Variants in EDARADD observed in about 807,000 individuals in gnomAD.
The protein encoded by EDARADD is ectodysplasin-A receptor-associated adapter protein.
In EDARADD, 20 loss-of-function variants were observed where a neutral mutation model predicts 25.6. The observed-to-expected ratio is 0.78, with a 90% confidence interval of 0.55 to 1.14. The LOEUF (loss-of-function observed/expected upper bound fraction) is 1.14, where lower values mean the gene tolerates loss of function less well. Among genes scored for constraint, EDARADD ranks in the 50% most tolerant of loss-of-function variants. The probability of loss-of-function intolerance (pLI) is 0.00; values close to 1 mark genes in which losing one functional copy is unlikely to be tolerated. For synonymous variants in EDARADD, 86 were observed against 94.4 expected, an observed-to-expected ratio of 0.91 and a Z score of 0.52; for missense variants, 225 against 270.1, an observed-to-expected ratio of 0.83 and a Z score of 1.17.
At chr1:236,431,114 TAAAA>T (rs1658082948) in intron 4 of EDARADD, among the ~76,000 whole-genome samples, 1 of 116,470 alleles carries the variant, frequency 8.6e-6, no homozygotes, top group Admixed American at 8.4e-5. Context: ...GACCCTGTCT[TAAAA>T]TAAATAAATA....
intron 1 of EDARADD, among the ~76,000 whole-genome samples, chr1:236,405,725 T>TTTTCTTTCTTTCTTTC (rs1227603633): frequency 2.3e-4 from 28 of 120,538 alleles, no homozygotes; most frequent in East Asian, 1.5e-3. Flanking sequence ...CTTCCTTTCT[T>TTTTCTTTCTTTCTTTC]TTTCTTTCTT....
intron 3 of EDARADD, among the ~76,000 whole-genome samples, chr1:236,375,155 G>A (rs1266213525): frequency 6.6e-6 from 1 of 151,920 alleles, no homozygotes; most frequent in Non-Finnish European, 1.5e-5. Flanking sequence ...CTTTCAAGCA[G>A]CATTATACCA....
chr1:236,472,280 C>T (rs913438418), intron 5 of EDARADD, among the ~76,000 whole-genome samples: 1 of 152,126 alleles, frequency 6.6e-6, no homozygotes, highest in Non-Finnish European at 1.5e-5. Context: ...GGCAGGCGCT[C>T]CTGACTAAAT....
At chr1:236,360,574 C>A (rs1395549858) in intron 3 of EDARADD, among the ~76,000 whole-genome samples, 4 of 124,428 alleles carry the variant, frequency 3.2e-5, no homozygotes, top group African/African-American at 9.6e-5. Context: ...GAGACAGAGT[C>A]TTGCTCTGTC....
Position 236,395,413 on chromosome 1 carries a change from G to C in EDARADD, c.61+908G>C. The C allele has an allele frequency of 1.4e-6, 2 of 1,441,092 alleles. No homozygotes were observed. Among genetic ancestry groups the C allele is most frequent in the Non-Finnish European group, 1.8e-6 (2 of 1,097,334 alleles). 89.3% of individuals were successfully genotyped at this position (1,441,092 alleles called of 1,614,324 possible). The stretch of plus-strand genomic sequence containing the variant: ...GAGGGACGCGCAGCGAAGGGGCTTT[G>C]CTAATTGCCAAAGCAGGAAGTGAGC... On this transcript the variant is annotated intron_variant, in intron 1 of 5. Coordinates refer to ENST00000334232, the MANE Select transcript of EDARADD (RefSeq NM_145861.4). This position sits in a 1 kb window ranked among gnomAD's most constrained non-coding sequence, Gnocchi z 6.9.
chr1:236,451,186 G>A (rs979698950), intron 4 of EDARADD, among the ~76,000 whole-genome samples: 2 of 151,996 alleles, frequency 1.3e-5, no homozygotes, highest in African/African-American at 4.8e-5. Context: ...TGATTCTATC[G>A]CCATGGCCTC....
At chr1:236,363,387 C>A (rs1667077787) in intron 3 of EDARADD, among the ~76,000 whole-genome samples, 2 of 151,510 alleles carry the variant, frequency 1.3e-5, no homozygotes, top group Admixed American at 6.6e-5. Flanking sequence ...TCAGTGAGTT[C>A]TTCTGAGATC....
chr1:236,399,379 G>T (rs1262390038), intron 1 of EDARADD, among the ~76,000 whole-genome samples: 1 of 152,086 alleles, frequency 6.6e-6, no homozygotes, highest in Non-Finnish European at 1.5e-5. Flanking sequence ...TAGAGACGGG[G>T]TTTCACCATG....
At chr1:236,406,470 C>T (rs1667741463) in intron 1 of EDARADD, among the ~76,000 whole-genome samples, 1 of 152,326 alleles carries the variant, frequency 6.6e-6, no homozygotes, top group South Asian at 2.1e-4. Context: ...CTACAACACT[C>T]CTGGGCTGTT....
At position 236,483,239 on chromosome 1, in the gene EDARADD, C is replaced by T; in HGVS notation, c.*590C>T. ...ATCCCACTGTTGAGGTTGATCTCTT[C>T]ACCTCAGAAGGTCTCTTCAGAGCTG... is the stretch of plus-strand genomic sequence containing the variant. On this transcript the variant is annotated 3_prime_UTR_variant, in exon 6 of 6. Transcript: ENST00000334232. 1 of 1,593,962 alleles carries T rather than the reference C, an allele frequency of 6.3e-7. No individual in the cohort carries two copies. Among genetic ancestry groups the T allele is most frequent in the South Asian group, 1.1e-5 (1 of 90,672 alleles).
chr1:236,419,486 ACAT>A (rs1419509007), intron 3 of EDARADD, among the ~76,000 whole-genome samples: 3 of 115,788 alleles, frequency 2.6e-5, no homozygotes, highest in Non-Finnish European at 6.8e-5. Flanking sequence ...AATAATTTTG[ACAT>A]TGTGGGGATG....
chr1:236,438,916 G>A (rs1289040200), intron 4 of EDARADD, among the ~76,000 whole-genome samples: 1 of 152,196 alleles, frequency 6.6e-6, no homozygotes, highest in Non-Finnish European at 1.5e-5. Flanking sequence ...TATAGGTTTG[G>A]ACAAACGTCT....
chr1:236,433,893 A>AC (rs1331064024), intron 4 of EDARADD, among the ~76,000 whole-genome samples: 4 of 150,908 alleles, frequency 2.7e-5, no homozygotes, highest in East Asian at 1.9e-4. Context: ...AAACAAACAA[A>AC]AAAAACAAAA....
At chr1:236,353,678 CAAAAAA>C (rs34798233) in intron 3 of EDARADD, among the ~76,000 whole-genome samples, 1 of 78,736 alleles carries the variant, frequency 1.3e-5, no homozygotes, top group Non-Finnish European at 2.5e-5. Context: ...ACTCCAACTC[CAAAAAA>C]AAAAAAAAAA....
At chr1:236,357,892 A>G (rs202181188) in intron 3 of EDARADD, among the ~76,000 whole-genome samples, 2 of 119,932 alleles carry the variant, frequency 1.7e-5, no homozygotes, top group Non-Finnish European at 3.5e-5. Flanking sequence ...TTTTTTTTTG[A>G]GATGGAGTTT....
intron 3 of EDARADD, among the ~76,000 whole-genome samples, chr1:236,361,134 T>G (rs1309443302): frequency 6.6e-6 from 1 of 152,172 alleles, no homozygotes; most frequent in African/African-American, 2.4e-5. Context: ...AATGTTCATG[T>G]ATGTGTACAT....
At chr1:236,356,570 T>C (rs1398330818) in intron 3 of EDARADD, among the ~76,000 whole-genome samples, 1 of 152,138 alleles carries the variant, frequency 6.6e-6, no homozygotes, top group Non-Finnish European at 1.5e-5. Context: ...TCTTTTTAAC[T>C]GTGCTAACAT....
intron 5 of EDARADD, among the ~76,000 whole-genome samples, chr1:236,479,509 A>AG (rs1659605679): frequency 6.6e-6 from 1 of 151,698 alleles, no homozygotes; most frequent in Non-Finnish European, 1.5e-5. Flanking sequence ...AAAAAGAAAA[A>AG]AAAAACCTCT....
intron 4 of EDARADD, among the ~76,000 whole-genome samples, chr1:236,452,324 A>G (rs557099493): frequency 1.3e-5 from 2 of 152,292 alleles, no homozygotes; most frequent in East Asian, 1.9e-4. Context: ...TCTTATTGAT[A>G]TGGTGTGGCT....
Sources: allele counts gnomAD v4.1 joint callset (sites outside exome capture counted in the v4.1 genomes callset), GRCh38; gene constraint gnomAD v4.1.1; non-coding constraint Gnocchi (gnomAD v3.1); transcripts MANE v1.5; gene names NCBI Gene and HGNC (gene_info 2026-07-23, HGNC 2026-07-21).